EDIL3: variants seen among roughly 807,000 people sequenced by gnomAD.
The protein encoded by EDIL3 is EGF like and discoidin domains 3.
Under a neutral mutation model 67.4 loss-of-function variants are expected in EDIL3, and 37 were observed. The ratio of observed to expected loss-of-function variants is 0.55; its 90% CI spans 0.42 to 0.72. The LOEUF is 0.72. EDIL3 is among the 30% of genes least tolerant of loss of function. EDIL3 has a pLI of 0.00. For synonymous variants in EDIL3, 195 were observed against 196.3 expected (o/e 0.99, Z 0.05); for missense variants, 527 against 586.3 (o/e 0.90, Z 1.04).
At chr5:84,161,713 C>T (rs1748616402) in intron 4 of EDIL3, among the ~76,000 whole-genome samples, 1 of 152,128 alleles carries the variant, frequency 6.6e-6, no homozygotes, top group African/African-American at 2.4e-5. Context: ...TGGAACTCCT[C>T]ATTCCCAGCT....
chr5:84,301,609 C>A (rs1010901351), intron 1 of EDIL3, among the ~76,000 whole-genome samples: 2 of 152,148 alleles, frequency 1.3e-5, no homozygotes, highest in African/African-American at 4.8e-5. Flanking sequence ...TTGTCAAAAG[C>A]CTGTCATACT....
At chr5:84,176,533 T>C (rs984935105) in intron 4 of EDIL3, among the ~76,000 whole-genome samples, 9 of 151,130 alleles carry the variant, frequency 6.0e-5, no homozygotes, top group Admixed American at 2.0e-4. Flanking sequence ...TGTGGGAAGA[T>C]GGGAAGGAGT....
chr5:84,026,611 CAGT>C (rs1349995704), intron 9 of EDIL3, among the ~76,000 whole-genome samples: 1 of 152,056 alleles, frequency 6.6e-6, no homozygotes, highest in Non-Finnish European at 1.5e-5. Context: ...TTTTAATATT[CAGT>C]CAGTACAAAA....
At chr5:84,092,391 T>G (rs1747182565) in intron 6 of EDIL3, among the ~76,000 whole-genome samples, 1 of 152,202 alleles carries the variant, frequency 6.6e-6, no homozygotes, top group Non-Finnish European at 1.5e-5. Flanking sequence ...GTTTTCCTCA[T>G]GGTCAAAATG....
chr5:84,187,895 C>T (rs1161067638), intron 3 of EDIL3, among the ~76,000 whole-genome samples: 1 of 151,938 alleles, frequency 6.6e-6, no homozygotes, highest in East Asian at 1.9e-4. Flanking sequence ...GTGCAAAATT[C>T]AGCCATTTGA....
At chr5:84,182,612 G>A (rs1479704220) in intron 3 of EDIL3, among the ~76,000 whole-genome samples, 1 of 152,066 alleles carries the variant, frequency 6.6e-6, no homozygotes, top group Non-Finnish European at 1.5e-5. Context: ...AAGATTTTAT[G>A]AATCTATTTC....
At chr5:84,287,966 C>T (rs1745842709) in intron 1 of EDIL3, among the ~76,000 whole-genome samples, 2 of 152,064 alleles carry the variant, frequency 1.3e-5, no homozygotes, top group Admixed American at 1.3e-4. Flanking sequence ...GCTTTAAATA[C>T]CATCCACAGA....
intron 4 of EDIL3, among the ~76,000 whole-genome samples, chr5:84,142,903 G>T (rs774126850): frequency 6.8e-6 from 1 of 147,210 alleles, no homozygotes; most frequent in Non-Finnish European, 1.5e-5. Context: ...TCTTTCCTCC[G>T]GCAATATTGT....
chr5:84,070,426 C>T (rs1746716464), intron 6 of EDIL3, among the ~76,000 whole-genome samples: 1 of 152,194 alleles, frequency 6.6e-6, no homozygotes, highest in African/African-American at 2.4e-5. Context: ...GCCCATCTGT[C>T]TCCTCCCCCT....
intron 1 of EDIL3, among the ~76,000 whole-genome samples, chr5:84,359,028 C>G (rs1327129750): frequency 6.6e-6 from 1 of 152,138 alleles, no homozygotes; most frequent in Non-Finnish European, 1.5e-5. Context: ...AAGGATAGCT[C>G]TCATGTAGCT....
intron 3 of EDIL3, among the ~76,000 whole-genome samples, chr5:84,192,480 C>G (rs1743612751): frequency 2.0e-5 from 3 of 151,902 alleles, no homozygotes; most frequent in African/African-American, 7.2e-5. Flanking sequence ...ATGCCAAATG[C>G]CTTTCTTCAC....
chr5:84,371,003 T>A (rs559864075), intron 1 of EDIL3, among the ~76,000 whole-genome samples: 18 of 152,130 alleles, frequency 1.2e-4, no homozygotes, highest in Middle Eastern at 3.4e-3. Context: ...TGGAGCTGGG[T>A]ATACATTAAG....
At chr5:84,164,841 G>A (rs570682247) in intron 4 of EDIL3, among the ~76,000 whole-genome samples, 6 of 152,226 alleles carry the variant, frequency 3.9e-5, no homozygotes, top group African/African-American at 1.4e-4. Flanking sequence ...AGAAGTAAGT[G>A]TCTTACAAGG....
At chr5:83,982,108 T>C (rs532946721) in intron 9 of EDIL3, among the ~76,000 whole-genome samples, 25 of 152,202 alleles carry the variant, frequency 1.6e-4, no homozygotes, top group Admixed American at 3.3e-4. Context: ...ATCTAACACA[T>C]GTGATTTAAA....
chr5:84,068,043 T>C (rs1746674435), intron 6 of EDIL3, among the ~76,000 whole-genome samples: 1 of 152,196 alleles, frequency 6.6e-6, no homozygotes, highest in Non-Finnish European at 1.5e-5. Flanking sequence ...CCCTCATGAA[T>C]GTAAATTTTA....
intron 4 of EDIL3, among the ~76,000 whole-genome samples, chr5:84,178,350 T>C (rs1415131067): frequency 6.6e-6 from 1 of 152,162 alleles, no homozygotes; most frequent in African/African-American, 2.4e-5. Flanking sequence ...TCTAAATATC[T>C]AGGTCATAAA....
chr5:84,086,820 G>C (rs929260902), intron 6 of EDIL3, among the ~76,000 whole-genome samples: 1 of 152,138 alleles, frequency 6.6e-6, no homozygotes, highest in Non-Finnish European at 1.5e-5. Context: ...CTACGCAGAA[G>C]GTGCTGATAA....
intron 5 of EDIL3, among the ~76,000 whole-genome samples, chr5:84,134,044 G>A (rs1269032919): frequency 6.6e-6 from 1 of 151,870 alleles, no homozygotes; most frequent in Non-Finnish European, 1.5e-5. Flanking sequence ...ATGTTCAATA[G>A]GTAATTGATT....
chr5:84,154,880 A>G (rs895110600), intron 4 of EDIL3, among the ~76,000 whole-genome samples: 2 of 151,734 alleles, frequency 1.3e-5, no homozygotes, highest in Non-Finnish European at 2.9e-5. Context: ...TCGTATTTTT[A>G]GAAGAGACGG....
Sources: allele counts gnomAD v4.1 joint callset (sites outside exome capture counted in the v4.1 genomes callset), GRCh38; gene constraint gnomAD v4.1.1; transcripts MANE v1.5; gene names NCBI Gene and HGNC (gene_info 2026-07-23, HGNC 2026-07-21).